The following SLC26A7 variants were observed in gnomAD, a reference collection of about 807,000 sequenced individuals.
SLC26A7 encodes the protein anion exchange transporter.
In SLC26A7, 59 loss-of-function variants were observed where a neutral mutation model predicts 82.5. The observed-to-expected ratio is 0.72, with a 90% confidence interval of 0.58 to 0.89. SLC26A7 has a LOEUF of 0.89. Among genes scored for constraint, SLC26A7 ranks in the 40% least tolerant of loss-of-function variants. SLC26A7 has a pLI of 0.00. For missense variants in SLC26A7, 820 were observed against 793.0 expected, an observed-to-expected ratio of 1.03 and a Z score of -0.41; for synonymous variants, 271 against 274.3, an observed-to-expected ratio of 0.99 and a Z score of 0.12.
rs530794582 is a variant in SLC26A7, at chr8:91,366,929, T to C, written c.1626+212T>C. Reference sequence around the variant, plus strand: ...TTATTCAGTATATATTTAATGGACATGTGTTGCAGGTACTACAGCACTAAA... The same window carrying C: ...TTATTCAGTATATATTTAATGGACACGTGTTGCAGGTACTACAGCACTAAA... On this transcript the variant is annotated intron_variant, in intron 14 of 18. Coordinates refer to ENST00000276609, the MANE Select transcript of SLC26A7 (RefSeq NM_052832.4). 9.1e-4 allele frequency among the ~76,000 whole-genome samples: 138 copies of C among 152,324 alleles called. 1 individual carries two copies. The highest frequency in any genetic ancestry group is 3.3e-3 in the African/African-American group (137 of 41,578).
upstream of SLC26A7, among the ~76,000 whole-genome samples, chr8:91,247,515 G>GA (rs1016256782): frequency 3.3e-5 from 5 of 149,534 alleles, no homozygotes; most frequent in South Asian, 2.1e-4. Context: ...CATGGAAATT[G>GA]AAAAAAAACA....
intron 3 of SLC26A7, among the ~76,000 whole-genome samples, chr8:91,293,663 G>T (rs1811937693): frequency 6.6e-6 from 1 of 152,038 alleles, no homozygotes; most frequent in Non-Finnish European, 1.5e-5. Flanking sequence ...TTTACTGTTC[G>T]ATTCCTTCCC....
chr8:91,221,063 C>G (rs538638401), intron 2 of SLC26A7, among the ~76,000 whole-genome samples: 1 of 152,314 alleles, frequency 6.6e-6, no homozygotes, highest in East Asian at 1.9e-4. Flanking sequence ...AATCACCATT[C>G]TAAGTGGAGT....
chr8:91,356,860 T>C lies in SLC26A7; in HGVS notation c.1314+3864T>C, dbSNP rs115509079. Among the ~76,000 whole-genome samples, 532 of 152,296 alleles carry C rather than the reference T, an allele frequency of 3.5e-3. 3 individuals carry two copies. The highest frequency in any genetic ancestry group is 9.6e-3 in the African/African-American group (400 of 41,570). ...CTTGATGATTTATTTAGAATTGTAA[T>C]GCATTTTTAGGGGACCTATTTGCTG... On this transcript the variant is annotated intron_variant, in intron 11 of 18. Coordinates refer to ENST00000276609, the MANE Select transcript of SLC26A7 (RefSeq NM_052832.4).
chr8:91,238,962 G>A (rs762149713), intron 2 of SLC26A7, among the ~76,000 whole-genome samples: 71 of 152,264 alleles, frequency 4.7e-4, no homozygotes, highest in Middle Eastern at 3.4e-3. Context: ...ATTGATAGGC[G>A]TAAGTACTAT....
chr8:91,337,996 A>T (rs1013353701), intron 6 of SLC26A7, among the ~76,000 whole-genome samples, 154 bp from the exon 7 acceptor site: 1 of 152,168 alleles, frequency 6.6e-6, no homozygotes, highest in Non-Finnish European at 1.5e-5. Context: ...TTGACTTTTA[A>T]TATTTTATTT....
intron 2 of SLC26A7, among the ~76,000 whole-genome samples, chr8:91,231,009 T>C (rs1304316004): frequency 6.6e-6 from 1 of 151,764 alleles, no homozygotes; most frequent in Non-Finnish European, 1.5e-5. Context: ...GCAAAGTGGG[T>C]GGAGACATGA....
Position 91,338,141 on chromosome 8 carries a change from A to G in SLC26A7, c.796-9A>G. On this transcript the variant is annotated splice_polypyrimidine_tract_variant and intron_variant, in intron 6 of 18. Transcript: ENST00000276609. The stretch of plus-strand genomic sequence containing the variant: ...TATATTTTTTCTTTTTTCAAATGGA[A>G]CCACACAGATTATTGCTGCATCATT... The G allele has an allele frequency of 6.3e-7, 1 of 1,598,974 alleles. No individual in the cohort carries two copies. Among genetic ancestry groups the G allele is most frequent in the East Asian group, 2.3e-5 (1 of 44,318 alleles).
chr8:91,284,132 A>G (rs1419583900), intron 2 of SLC26A7, among the ~76,000 whole-genome samples: 1 of 152,174 alleles, frequency 6.6e-6, no homozygotes, highest in Admixed American at 6.6e-5. Context: ...TTTGTAGAAG[A>G]TATTTAGTTT....
intron 2 of SLC26A7, among the ~76,000 whole-genome samples, chr8:91,278,392 A>C (rs1811464295): frequency 6.6e-6 from 1 of 152,198 alleles, no homozygotes; most frequent in Admixed American, 6.6e-5. Flanking sequence ...TCTATAGAAA[A>C]TGTTACACAA....
intron 2 of SLC26A7, among the ~76,000 whole-genome samples, chr8:91,270,281 C>T (rs1811233679): frequency 6.6e-6 from 1 of 152,164 alleles, no homozygotes; most frequent in Admixed American, 6.5e-5. Context: ...GCCTGCTATT[C>T]CTTTCCATTC....
chr8:91,332,442 A>C (rs1178096279), intron 5 of SLC26A7, among the ~76,000 whole-genome samples: 1 of 127,962 alleles, frequency 7.8e-6, no homozygotes, highest in African/African-American at 2.9e-5. Context: ...TATTTAATTA[A>C]TATATATTGA....
intron 3 of SLC26A7, among the ~76,000 whole-genome samples, chr8:91,291,754 A>G (rs1217010259): frequency 6.6e-6 from 1 of 152,236 alleles, no homozygotes; most frequent in Admixed American, 6.5e-5. Context: ...ACAAATTTTT[A>G]ACAGCTGTCA....
intron 4 of SLC26A7, among the ~76,000 whole-genome samples, chr8:91,304,199 T>G (rs1812241289): frequency 6.6e-6 from 1 of 152,202 alleles, no homozygotes; most frequent in Non-Finnish European, 1.5e-5. Context: ...ATAAAGATAC[T>G]GAAGATAAAC....
exon 2 of SLC26A7, chr8:91,218,976 C>T (rs1810110280): frequency 4.5e-6 from 7 of 1,550,226 alleles, no homozygotes; most frequent in Middle Eastern, 1.7e-4. Context: ...GTGACCCTAA[C>T]CTCTTTGGAA....
chr8:91,363,405 G>C (rs1814103229), intron 12 of SLC26A7, 67 bp from the exon 13 acceptor site: 1 of 967,010 alleles, frequency 1.0e-6, no homozygotes, highest in Non-Finnish European at 1.6e-6. Flanking sequence ...ACTACTTTTG[G>C]TTTCTTCATT....
chr8:91,356,309 C>G (rs1380096070), intron 11 of SLC26A7, among the ~76,000 whole-genome samples: 1 of 152,202 alleles, frequency 6.6e-6, no homozygotes, highest in Non-Finnish European at 1.5e-5. Flanking sequence ...TCCACACTGA[C>G]TTCCACAATG....
intron 2 of SLC26A7, 118 bp downstream of exon 2, chr8:91,249,962 G>A (rs1810614482): frequency 2.7e-6 from 2 of 731,022 alleles, no homozygotes; most frequent in African/African-American, 1.8e-5. Flanking sequence ...ATTAGCTGTG[G>A]GGAAACAAGC....
chr8:91,378,779 C>T (rs72667815), intron 15 of SLC26A7, among the ~76,000 whole-genome samples: 50,871 of 151,660 alleles, frequency 0.34, 10,730 homozygotes, highest in East Asian at 0.61. Context: ...GTCCAAAATT[C>T]AGTTAAGTTG....
Sources: allele counts gnomAD v4.1 joint callset (sites outside exome capture counted in the v4.1 genomes callset), GRCh38; gene constraint gnomAD v4.1.1; transcripts MANE v1.5; gene names NCBI Gene and HGNC (gene_info 2026-07-23, HGNC 2026-07-21).